The following GANC variants were observed in gnomAD, a reference collection of about 807,000 sequenced individuals.
GANC encodes the protein neutral alpha-glucosidase C.
Under a neutral mutation model 124.2 loss-of-function variants are expected in GANC, and 117 were observed. That is an observed-to-expected ratio of 0.94 (90% CI 0.81 to 1.10). The LOEUF is 1.10. Among genes scored for constraint, GANC ranks in the 50% least tolerant of loss-of-function variants. GANC has a pLI of 0.00. For missense variants in GANC, 1,140 were observed against 1,095.0 expected (o/e 1.04, Z -0.58); for synonymous variants, 377 against 376.8 (o/e 1.00, Z -0.01).
chr15:42,333,040 T>A (rs867654001), intron 15 of GANC, among the ~76,000 whole-genome samples: 16 of 79,350 alleles, frequency 2.0e-4, no homozygotes, highest in East Asian at 4.5e-4. Context: ...ATATATATAT[T>A]TTTTTTGGTC....
chr15:42,320,816 C>T lies in GANC; in HGVS notation c.1058-969C>T, dbSNP rs112649547. Among the ~76,000 whole-genome samples the T allele has an allele frequency of 8.1e-3, 1,230 of 152,198 alleles. 9 individuals are homozygous for T. Among genetic ancestry groups the T allele is most frequent in the Middle Eastern group, 0.037 (11 of 294 alleles). On this transcript the variant is annotated intron_variant, in intron 10 of 23. Transcript: ENST00000318010. ...CTTCCACTCTAGTTTTGAGAGTGGG[C>T]ATGTCTACTGGTGTTTGGGAGCAGG...
At chr15:42,283,686 C>T (rs2051756924) in intron 3 of GANC, 2 of 702,488 alleles carry the variant, frequency 2.8e-6, no homozygotes, top group African/African-American at 3.5e-5. Context: ...CTGAGCACCT[C>T]TGTGAAGTTA....
At chr15:42,301,429 G>A (rs1315636559) in intron 6 of GANC, among the ~76,000 whole-genome samples, 1 of 151,980 alleles carries the variant, frequency 6.6e-6, no homozygotes, top group Non-Finnish European at 1.5e-5. Flanking sequence ...GTGGCTGTTT[G>A]GGCAGACACC....
At chr15:42,309,859 A>C (rs1314798320) in intron 8 of GANC, among the ~76,000 whole-genome samples, 3 of 151,900 alleles carry the variant, frequency 2.0e-5, no homozygotes, top group Non-Finnish European at 4.4e-5. Flanking sequence ...TCTCTACCAA[A>C]AAATACAAAA....
In GANC at chr15:42,329,327, C is replaced by T; in HGVS notation, c.1522C>T (p.Leu508Phe). ...VYQGSTDILFLWNDMNEPSVF... is the reference protein window; with the variant it reads ...VYQGSTDILFFWNDMNEPSVF... ...CTAGGGATCTACGGACATCCTCTTC[C>T]TTTGGAATGACATGAATGAGCCTTC... is the stretch of plus-strand genomic sequence containing the variant. Residue 508 changes from leucine (L) to phenylalanine (F), a missense_variant, in exon 14 of 24, where the codon CTT becomes TTT. Coordinates refer to ENST00000318010, the MANE Select transcript of GANC (RefSeq NM_198141.3). The T allele has an allele frequency of 1.2e-6, 2 of 1,613,736 alleles. No individual in the cohort carries two copies. Among genetic ancestry groups the T allele is most frequent in the South Asian group, 1.1e-5 (1 of 91,034 alleles).
At chr15:42,296,767 T>TA (rs978380855) in intron 5 of GANC, among the ~76,000 whole-genome samples, 9 of 151,920 alleles carry the variant, frequency 5.9e-5, no homozygotes, top group Non-Finnish European at 7.4e-5. Context: ...TCGTCTTTTC[T>TA]AAAAAAACTT....
At chr15:42,340,080 T>G (rs1319081070) in intron 17 of GANC, among the ~76,000 whole-genome samples, 168 bp downstream of exon 17, 1 of 152,202 alleles carries the variant, frequency 6.6e-6, no homozygotes, top group Non-Finnish European at 1.5e-5. Context: ...AACAGGGTGC[T>G]GGCTGTTGGG....
intron 5 of GANC, 97 bp downstream of exon 5, chr15:42,293,014 G>A (rs2051856677): frequency 1.6e-6 from 2 of 1,213,230 alleles, no homozygotes; most frequent in African/African-American, 3.0e-5. Context: ...ATAGAAAATT[G>A]GTTTGCCTTA....
At chr15:42,317,926 T>A (rs979806788) in intron 10 of GANC, among the ~76,000 whole-genome samples, 1 of 152,216 alleles carries the variant, frequency 6.6e-6, no homozygotes, top group African/African-American at 2.4e-5. Context: ...ATTTGTTGAC[T>A]CCTGCTGAGG....
In GANC at chr15:42,318,452, C is replaced by A. The variant is rs543540543; in HGVS notation, c.1058-3333C>A. On this transcript the variant is annotated intron_variant, in intron 10 of 23. Coordinates refer to ENST00000318010, the MANE Select transcript of GANC (RefSeq NM_198141.3). ...TTTACTGTCTTCTACCTTCTTGCTCCAAAACCATTCTTAATTCTATTCCTT... is the reference window on the plus strand; with the variant it reads ...TTTACTGTCTTCTACCTTCTTGCTCAAAAACCATTCTTAATTCTATTCCTT... Among the ~76,000 whole-genome samples the A allele has an allele frequency of 2.6e-5, 4 of 152,322 alleles. No individual in the cohort carries two copies. In the South Asian group the frequency reaches 8.3e-4, roughly 32 times the overall value.
chr15:42,322,616 G>C (rs2052169754), intron 11 of GANC, among the ~76,000 whole-genome samples: 1 of 152,162 alleles, frequency 6.6e-6, no homozygotes, highest in Admixed American at 6.5e-5. Context: ...AAGGGTAAGG[G>C]GGGAGTAGCA....
At chr15:42,291,950 A>T (rs923814721) in intron 4 of GANC, among the ~76,000 whole-genome samples, 1 of 152,196 alleles carries the variant, frequency 6.6e-6, no homozygotes, top group African/African-American at 2.4e-5. Context: ...CATAGAATCC[A>T]TGGAGGACTG....
chr15:42,342,700 C>G (rs963234618), intron 18 of GANC, among the ~76,000 whole-genome samples: 3 of 152,220 alleles, frequency 2.0e-5, no homozygotes, highest in African/African-American at 7.2e-5. Context: ...TGTGGGCTCC[C>G]CATCTTCAGC....
intron 10 of GANC, chr15:42,314,699 TG>T (rs2052087779): frequency 6.6e-6 from 1 of 152,544 alleles, no homozygotes; most frequent in Non-Finnish European, 1.5e-5. Context: ...ATATTAGTCA[TG>T]ATATAGCATT....
chr15:42,283,406 A>G (rs1266673475), intron 3 of GANC, among the ~76,000 whole-genome samples: 3 of 152,172 alleles, frequency 2.0e-5, no homozygotes, highest in African/African-American at 4.8e-5. Context: ...TCAGTTTTCT[A>G]TCGTCAGTGA....
chr15:42,316,205 T>C (rs12903494), intron 10 of GANC, among the ~76,000 whole-genome samples: 138,380 of 152,100 alleles, frequency 0.91, 64,311 homozygotes, highest in Non-Finnish European at 1. Context: ...TCCAGCCCTA[T>C]GGGGCTTAGT....
intron 23 of GANC, among the ~76,000 whole-genome samples, chr15:42,351,820 C>T (rs1452067869): frequency 6.6e-6 from 1 of 152,160 alleles, no homozygotes; most frequent in Non-Finnish European, 1.5e-5. Context: ...TCATTCCTTA[C>T]GGTTTCTTTT....
Position 42,310,800 on chromosome 15 carries a change from A to G in GANC, c.1011A>G (p.Thr337=), listed in dbSNP as rs772649624. 2 of 1,614,058 alleles carry G rather than the reference A, an allele frequency of 1.2e-6. No individual in the cohort carries two copies. Among genetic ancestry groups the G allele is most frequent in the Non-Finnish European group, 1.7e-6 (2 of 1,179,936 alleles). Residue 337 remains threonine (T), a synonymous_variant, in exon 10 of 24, where the codon ACA becomes ACG. Coordinates refer to ENST00000318010, the MANE Select transcript of GANC (RefSeq NM_198141.3). ...GCATCATTGATGTTTTTCTGCTGAC[A>G]GGACCTACACCTTCTGATGTCTTCA... ...ESGIIDVFLL[T]GPTPSDVFKQ... is the part of the protein sequence containing the mutation.
In GANC at chr15:42,287,742, A is replaced by C; in HGVS notation, c.253A>C (p.Lys85Gln). The C allele has an allele frequency of 6.2e-7, 1 of 1,613,178 alleles. No individual in the cohort carries two copies. The highest frequency in any genetic ancestry group is 8.5e-7 in the Non-Finnish European group (1 of 1,179,366). ...YGIEGNIFRL[K>Q]INEETPLKPR... ...TATAGAAGGAAACATTTTCAGGCTT[A>C]AAATTAATGAAGAGACTCCTCTAAA... is the stretch of plus-strand genomic sequence containing the variant. The change falls in exon 4 of 24, where the codon AAA becomes CAA. Residue 85 changes from lysine to glutamine, a missense_variant. Lys to Gln is a moderately conservative substitution (Grantham distance 53, BLOSUM62 1). Transcript: ENST00000318010.
Sources: gnomAD v4.1 joint callset for allele counts (sites outside exome capture counted in the v4.1 genomes callset) on GRCh38, gnomAD v4.1.1 for gene constraint, MANE v1.5 for transcripts, NCBI Gene and HGNC (gene_info 2026-07-23, HGNC 2026-07-21) for gene names.